CTPS2: variants seen among roughly 807,000 people sequenced by gnomAD.
The protein encoded by CTPS2 is CTP synthase II.
Under a neutral mutation model 46.8 loss-of-function variants are expected in CTPS2, and 19 were observed. The observed-to-expected ratio is 0.41, with a 90% CI of 0.28 to 0.60. The LOEUF (loss-of-function observed/expected upper bound fraction) is 0.60, where lower values mean the gene tolerates loss of function less well. Ranked by LOEUF, CTPS2 falls within the 20% of genes least tolerant of loss-of-function variation. CTPS2 has a pLI of 0.35. For synonymous variants in CTPS2, 151 were observed against 165.2 expected (o/e 0.91, Z 0.66); for missense variants, 286 against 447.6 (o/e 0.64, Z 3.26).
At chrX:16,619,401 G>A (rs1016038724) in intron 15 of CTPS2, among the ~76,000 whole-genome samples, 19 of 112,202 alleles carry the variant, frequency 1.7e-4, no homozygotes, top group Non-Finnish European at 3.4e-4. Context: ...TAGTTCACAG[G>A]TGGGCAGGTA....
chrX:16,668,656 GGAAGGAAGGAAGGAA>G (rs1340745115), intron 11 of CTPS2, among the ~76,000 whole-genome samples: 1 of 96,857 alleles, frequency 1.0e-5, no homozygotes, highest in Non-Finnish European at 2.1e-5. Context: ...AAGGATGGAA[GGAAGGAAGGAAGGAA>G]GAAGGAAGAA....
At chrX:16,599,475 TC>T (rs1272790254) in intron 17 of CTPS2, among the ~76,000 whole-genome samples, 6 of 98,423 alleles carry the variant, frequency 6.1e-5, no homozygotes, top group African/African-American at 2.0e-4. Context: ...TTCTTTTTTT[TC>T]TTTTTTTTTT....
chrX:16,621,286 C>T, intron 14 of CTPS2, among the ~76,000 whole-genome samples: 1 of 77,320 alleles, frequency 1.3e-5, no homozygotes, highest in East Asian at 4.3e-4. Context: ...GGGAACATCA[C>T]ACACCGGGGC....
intron 13 of CTPS2, among the ~76,000 whole-genome samples, chrX:16,662,793 C>T (rs1312138025): frequency 9.2e-6 from 1 of 108,433 alleles, no homozygotes; most frequent in East Asian, 2.9e-4. Context: ...GCCATAAAGA[C>T]GTTCAATAGC....
intron 13 of CTPS2, among the ~76,000 whole-genome samples, chrX:16,645,723 A>T (rs773684973): frequency 2.8e-4 from 32 of 113,004 alleles, no homozygotes; most frequent in Non-Finnish European, 5.8e-4. Flanking sequence ...TTGCAAGCTT[A>T]ATCCTCAGTG....
In CTPS2 at chrX:16,673,570, T is replaced by A. The variant is rs188532193; in HGVS notation, c.1095-2896A>T. ...TTTCTGTCTGTGCATTTATATGTGTTGTGTGTGTGATGTTAAAAAAAAAAA... is the reference window on the plus strand; with the variant it reads ...TTTCTGTCTGTGCATTTATATGTGTAGTGTGTGTGATGTTAAAAAAAAAAA... On this transcript the variant is annotated intron_variant, in intron 10 of 18. Coordinates refer to ENST00000359276, the MANE Select transcript of CTPS2 (RefSeq NM_175859.3). 6.5e-3 allele frequency among the ~76,000 whole-genome samples: 702 copies of A among 108,704 alleles called. 9 individuals are homozygous for A. Among genetic ancestry groups the A allele is most frequent in the African/African-American group, 0.024 (678 of 28,723 alleles). The allele number at this position is 108,704 out of a possible 115,157, so 94.4% of individuals were successfully genotyped here.
chrX:16,609,463 T>C, intron 17 of CTPS2, 78 bp downstream of exon 17: 2 of 967,569 alleles, frequency 2.1e-6, no homozygotes, highest in Non-Finnish European at 2.9e-6. Context: ...TCTATAGTGG[T>C]ATTAATTTTT....
chrX:16,697,212 T>TATACGTG (rs1924178110), intron 4 of CTPS2, among the ~76,000 whole-genome samples: 1 of 110,282 alleles, frequency 9.1e-6, no homozygotes, highest in Non-Finnish European at 1.9e-5. Flanking sequence ...GCCTCCAGAC[T>TATACGTG]CTTAATCACT....
intron 14 of CTPS2, among the ~76,000 whole-genome samples, chrX:16,630,553 C>T (rs1024153568): frequency 9.0e-6 from 1 of 110,679 alleles, no homozygotes; most frequent in Non-Finnish European, 1.9e-5. Flanking sequence ...CGCGCCCGGC[C>T]CTGTGTTGTG....
intron 17 of CTPS2, among the ~76,000 whole-genome samples, chrX:16,592,104 A>AGT (rs764861395): frequency 1.0e-3 from 106 of 103,116 alleles, no homozygotes; most frequent in East Asian, 7.2e-3. Context: ...ATGGGGCTGG[A>AGT]GTGTGTGTGT....
intron 13 of CTPS2, among the ~76,000 whole-genome samples, chrX:16,657,952 T>C (rs903789416): frequency 1.8e-5 from 2 of 112,024 alleles, no homozygotes; most frequent in Non-Finnish European, 3.8e-5. Flanking sequence ...ACGCCTGTAA[T>C]CCCACCACTT....
chrX:16,590,736 G>A lies in CTPS2; in HGVS notation c.*41+16C>T, dbSNP rs183325683. The A allele has an allele frequency of 3.7e-5, 33 of 892,124 alleles. No homozygotes were observed. Among genetic ancestry groups the A allele is most frequent in the South Asian group, 3.1e-4 (15 of 47,729 alleles). 73.5% of individuals were successfully genotyped at this position (892,124 alleles called of 1,213,427 possible). A position where few individuals can be genotyped will look rare whatever the true frequency, so the allele number is the denominator to read the frequency against. On this transcript the variant is annotated intron_variant, in intron 18 of 18. Coordinates refer to ENST00000359276, the MANE Select transcript of CTPS2 (RefSeq NM_175859.3). ...TCCATGAGAGAAATGAACAATCCTC[G>A]AAGATTCCATCTTACCCTCACAGGC...
intron 2 of CTPS2, 113 bp downstream of exon 2, chrX:16,702,624 A>ACTC: frequency 1.5e-6 from 1 of 652,627 alleles, no homozygotes; most frequent in Non-Finnish European, 2.4e-6. Context: ...TATTCATAGC[A>ACTC]TACGATCTAG....
chrX:16,654,132 A>G (rs1415350500), intron 13 of CTPS2, among the ~76,000 whole-genome samples: 1 of 112,422 alleles, frequency 8.9e-6, no homozygotes, highest in Non-Finnish European at 1.9e-5. Flanking sequence ...AAGACCCAAG[A>G]TCGCATAAGA....
chrX:16,599,335 T>G (rs1929495670), intron 17 of CTPS2, among the ~76,000 whole-genome samples: 1 of 111,709 alleles, frequency 9.0e-6, no homozygotes, highest in Non-Finnish European at 1.9e-5. Context: ...AAAACTCTCT[T>G]TTTAAAAAGT....
chrX:16,615,075 G>A (rs1602139476), intron 16 of CTPS2, among the ~76,000 whole-genome samples: 2 of 111,306 alleles, frequency 1.8e-5, no homozygotes, highest in East Asian at 2.8e-4. Flanking sequence ...ACTCGGGAGG[G>A]TGAGGCAGGA....
At position 16,702,958 on chromosome X, in the gene CTPS2, T is replaced by G. The variant is rs950428478; in HGVS notation, c.-39-17A>C. On this transcript the variant is annotated splice_polypyrimidine_tract_variant and intron_variant, in intron 1 of 18. Coordinates refer to ENST00000359276, the MANE Select transcript of CTPS2 (RefSeq NM_175859.3). ...AGATATAATCTGAAAGGCAATAAAA[T>G]TATGGATAAGGAAAGAGAAATATTT... 3.2e-5 allele frequency: 33 copies of G among 1,024,924 alleles called. No homozygotes were observed. In the African/African-American group the frequency reaches 5.9e-4, roughly 18 times the overall value. The allele number at this position is 1,024,924 out of a possible 1,213,427, so 84.5% of individuals were successfully genotyped here.
At chrX:16,712,169 G>C (rs1361254764) in intron 1 of CTPS2, 166 bp downstream of exon 1, 2 of 112,119 alleles carry the variant, frequency 1.8e-5, no homozygotes, top group African/African-American at 6.5e-5. Flanking sequence ...GGCCGGACCC[G>C]ACTCAGCGCT....
chrX:16,688,596 A>G (rs1003337452), intron 8 of CTPS2, among the ~76,000 whole-genome samples: 2 of 110,661 alleles, frequency 1.8e-5, no homozygotes, highest in Admixed American at 9.8e-5. Context: ...TTCAAAATAG[A>G]GAAACTTTGC....
Sources: allele counts gnomAD v4.1 joint callset (sites outside exome capture counted in the v4.1 genomes callset), GRCh38; gene constraint gnomAD v4.1.1; transcripts MANE v1.5; gene names NCBI Gene and HGNC (gene_info 2026-07-23, HGNC 2026-07-21).